Variants in CSNK1E observed in about 807,000 individuals in gnomAD.
CSNK1E encodes casein kinase 1 epsilon, also known as casein kinase I isoform epsilon.
CSNK1E carries 17 observed loss-of-function variants against 46.1 expected under a neutral mutation model. That is an observed-to-expected ratio of 0.37 (90% confidence interval 0.25 to 0.55). The LOEUF is 0.55. Ranked by LOEUF, CSNK1E falls within the 20% of genes least tolerant of loss-of-function variation. The pLI is 0.82. For missense variants in CSNK1E, 386 were observed against 595.4 expected, an observed-to-expected ratio of 0.65 and a Z score of 3.66; for synonymous variants, 241 against 242.6, an observed-to-expected ratio of 0.99 and a Z score of 0.06.
intron 2 of CSNK1E, among the ~76,000 whole-genome samples, chr22:38,313,563 A>G (rs2092730062): frequency 6.6e-6 from 1 of 152,184 alleles, no homozygotes; most frequent in South Asian, 2.1e-4. Context: ...AGAAAAAGAG[A>G]GAGAGAGAAC....
At position 38,291,131 on chromosome 22, in the gene CSNK1E, A is replaced by AACC. The variant is rs2092607050; in HGVS notation, c.*837_*839dup. ...GCAGTCTCCATGGATTCTGCCCTAAAACCAGGAATGGAAGATGGAGCTGCC... is the reference window on the plus strand; with the variant it reads ...GCAGTCTCCATGGATTCTGCCCTAAAACCACCAGGAATGGAAGATGGAGCTGCC... On this transcript the variant is annotated 3_prime_UTR_variant, in exon 11 of 11. Transcript: ENST00000396832. 1 of 152,180 alleles carries AACC rather than the reference A, an allele frequency of 6.6e-6. No homozygotes were observed. Among genetic ancestry groups the AACC allele is most frequent in the South Asian group, 2.1e-4 (1 of 4,836 alleles). The allele number at this position is 152,180 out of a possible 1,614,324, so 9.4% of individuals were successfully genotyped here.
chr22:38,302,306 G>C (rs899034925), intron 4 of CSNK1E, among the ~76,000 whole-genome samples: 6 of 152,166 alleles, frequency 3.9e-5, no homozygotes, highest in African/African-American at 1.4e-4. Flanking sequence ...AGGAGTTTGA[G>C]ACCAGCCTGG....
At chr22:38,295,975 G>C (rs1310623646) in intron 7 of CSNK1E, among the ~76,000 whole-genome samples, 1 of 152,264 alleles carries the variant, frequency 6.6e-6, no homozygotes, top group African/African-American at 2.4e-5. Flanking sequence ...TCTGCGGGCA[G>C]AGTCACATCA....
At chr22:38,306,082 T>C (rs2092697473) in intron 2 of CSNK1E, among the ~76,000 whole-genome samples, 1 of 152,098 alleles carries the variant, frequency 6.6e-6, no homozygotes, top group South Asian at 2.1e-4. Flanking sequence ...CAGGAAGCTC[T>C]CTCTGCACAC....
intron 2 of CSNK1E, among the ~76,000 whole-genome samples, chr22:38,307,026 C>T (rs988285524): frequency 6.6e-6 from 1 of 151,954 alleles, no homozygotes; most frequent in Non-Finnish European, 1.5e-5. Context: ...CAAATATTAG[C>T]CAGGCGTGGT....
intron 7 of CSNK1E, chr22:38,297,589 A>T: frequency 1.0e-6 from 1 of 998,878 alleles, no homozygotes; most frequent in Non-Finnish European, 1.2e-6. Context: ...GCCATGAAAG[A>T]GGCACACCAG....
rs774077680 is a variant in CSNK1E, at chr22:38,303,965, C to T, written c.77-717G>A. Among the ~76,000 whole-genome samples, 4 of 152,150 alleles carry T rather than the reference C, an allele frequency of 2.6e-5. No homozygotes were observed. The highest frequency in any genetic ancestry group is 5.9e-5 in the Non-Finnish European group (4 of 68,028). On this transcript the variant is annotated intron_variant, in intron 2 of 10. Transcript: ENST00000396832. The surrounding 1 kb of genome is among the most constrained non-coding windows in gnomAD (Gnocchi z 4.7). Reference sequence around the variant, plus strand: ...AGTCCACTCCTGGCTTCTCAAGGGGCTCTAAGAAAATACCCTCACACACAC... The same window carrying T: ...AGTCCACTCCTGGCTTCTCAAGGGGTTCTAAGAAAATACCCTCACACACAC...
intron 2 of CSNK1E, among the ~76,000 whole-genome samples, chr22:38,304,529 G>T (rs923922969): frequency 6.6e-6 from 1 of 152,188 alleles, no homozygotes. Flanking sequence ...GCACCAGGGG[G>T]ACAGGACAAG....
Position 38,300,122 on chromosome 22 carries a change from C to T in CSNK1E, c.566-57G>A, listed in dbSNP as rs368022599. ...CAGGGGTCCACTCAGGCCCCTAACT[C>T]ATCCTCTGGGTCATGCTCCTCACAA... On this transcript the variant is annotated intron_variant, in intron 5 of 10. Transcript: ENST00000396832. This position sits in a 1 kb window ranked among gnomAD's most constrained non-coding sequence, Gnocchi z 4.4. The T allele has an allele frequency of 4.9e-5, 76 of 1,552,152 alleles. 3 individuals are homozygous for T. Among genetic ancestry groups the T allele is most frequent in the Admixed American group, 4.5e-4 (25 of 55,814 alleles).
chr22:38,303,580 A>T lies in CSNK1E; in HGVS notation c.77-332T>A, dbSNP rs1338574887. On this transcript the variant is annotated intron_variant, in intron 2 of 10. Coordinates refer to ENST00000396832, the MANE Select transcript of CSNK1E (RefSeq NM_152221.3). The surrounding 1 kb of genome is among the most constrained non-coding windows in gnomAD (Gnocchi z 4.7). The stretch of plus-strand genomic sequence containing the variant: ...CCTAAGGGAGGGGGCTGAGTCCTAG[A>T]GCAAATTCAGGCAGTGAGGTCTGTC... Among the ~76,000 whole-genome samples the T allele has an allele frequency of 6.6e-6, 1 of 152,170 alleles. No homozygotes were observed. The highest frequency in any genetic ancestry group is 1.5e-5 in the Non-Finnish European group (1 of 68,026).
chr22:38,314,015 G>T (rs2092732532), intron 2 of CSNK1E, 67 bp downstream of exon 2: 2 of 1,391,998 alleles, frequency 1.4e-6, no homozygotes, highest in Non-Finnish European at 1.0e-6. Flanking sequence ...CCAAATCCTG[G>T]GGTCTTTCCT....
At chr22:38,295,021 C>T (rs533771324) in intron 7 of CSNK1E, among the ~76,000 whole-genome samples, 20 of 152,304 alleles carry the variant, frequency 1.3e-4, no homozygotes, top group African/African-American at 4.8e-4. Flanking sequence ...TAGTGGAAGG[C>T]TGGGCTAGGA....
chr22:38,313,998 C>T, intron 2 of CSNK1E, 84 bp downstream of exon 2: 2 of 1,263,780 alleles, frequency 1.6e-6, no homozygotes, highest in Non-Finnish European at 2.3e-6. Context: ...ATTCTGACTT[C>T]AGATCCCCAA....
intron 2 of CSNK1E, among the ~76,000 whole-genome samples, chr22:38,312,380 C>T (rs1232152974): frequency 6.6e-6 from 1 of 152,204 alleles, no homozygotes; most frequent in Non-Finnish European, 1.5e-5. Context: ...TGTGAGCCAC[C>T]GCACCTGGCC....
chr22:38,295,689 G>C (rs1051444725), intron 7 of CSNK1E, among the ~76,000 whole-genome samples: 1 of 152,200 alleles, frequency 6.6e-6, no homozygotes, highest in East Asian at 1.9e-4. Context: ...GCTAGGGTCT[G>C]AACCCAGGCC....
rs1424105214 is a variant in CSNK1E, at chr22:38,291,007, C to T, written c.*964G>A. 6.6e-6 allele frequency: 1 copy of T among 151,908 alleles called. No individual in the cohort carries two copies. The highest frequency in any genetic ancestry group is 1.5e-5 in the Non-Finnish European group (1 of 67,740). The allele number at this position is 151,908 out of a possible 1,614,324, so 9.4% of individuals were successfully genotyped here. On this transcript the variant is annotated 3_prime_UTR_variant, in exon 11 of 11. Coordinates refer to ENST00000396832, the MANE Select transcript of CSNK1E (RefSeq NM_152221.3). ...TCCAAAACCCAGCCCTGACTCCAGG[C>T]TCCTCCTCAGAAAGGTGGAACCAGG...
chr22:38,295,520 G>C (rs951317492), intron 7 of CSNK1E: 3 of 253,866 alleles, frequency 1.2e-5, no homozygotes, highest in African/African-American at 6.9e-5. Context: ...TGCAACCCAT[G>C]TCTCTCCCAG....
chr22:38,311,016 G>C (rs1402733927), intron 2 of CSNK1E, among the ~76,000 whole-genome samples: 2 of 152,188 alleles, frequency 1.3e-5, no homozygotes, highest in African/African-American at 2.4e-5. Context: ...AGGGTCCCCT[G>C]AGGCCCTTGC....
intron 2 of CSNK1E, among the ~76,000 whole-genome samples, chr22:38,307,055 C>T (rs756213304): frequency 6.6e-6 from 1 of 152,104 alleles, no homozygotes; most frequent in Non-Finnish European, 1.5e-5. Flanking sequence ...CCTGTGGTCC[C>T]AGCTACCTGG....
Sources: allele counts gnomAD v4.1 joint callset (sites outside exome capture counted in the v4.1 genomes callset), GRCh38; gene constraint gnomAD v4.1.1; non-coding constraint Gnocchi (gnomAD v3.1); transcripts MANE v1.5; gene names NCBI Gene and HGNC (gene_info 2026-07-23, HGNC 2026-07-21).